Variants in SDK1 observed in about 807,000 individuals in gnomAD.
The protein encoded by SDK1 is sidekick cell adhesion molecule 1, also known as protein sidekick-1.
SDK1 carries 157 observed loss-of-function variants against 245.5 expected under a neutral mutation model. That is an observed-to-expected ratio of 0.64 (90% CI 0.56 to 0.73). SDK1 has a LOEUF of 0.73. Among genes scored for constraint, SDK1 ranks in the 30% least tolerant of loss-of-function variants. The pLI is 0.00. For missense variants in SDK1, 3,583 were observed against 3,002.3 expected, an observed-to-expected ratio of 1.19 and a Z score of -4.52; for synonymous variants, 1,647 against 1,278.5, an observed-to-expected ratio of 1.29 and a Z score of -6.15.
intron 4 of SDK1, among the ~76,000 whole-genome samples, chr7:3,677,715 A>G (rs1000244261): frequency 1.3e-5 from 2 of 152,248 alleles, no homozygotes; most frequent in Non-Finnish European, 2.9e-5. Context: ...ATGTGAATAT[A>G]TATTTTATAT....
At chr7:3,772,540 T>G (rs1034235855) in intron 4 of SDK1, among the ~76,000 whole-genome samples, 5 of 152,322 alleles carry the variant, frequency 3.3e-5, no homozygotes, top group Admixed American at 2.6e-4. Context: ...ATACTAGCTT[T>G]TAGACTAATA....
chr7:3,456,827 A>G (rs1432621723), intron 1 of SDK1, among the ~76,000 whole-genome samples: 1 of 152,106 alleles, frequency 6.6e-6, no homozygotes, highest in African/African-American at 2.4e-5. Flanking sequence ...GGTCCTACTT[A>G]AACCTGTTAT....
intron 1 of SDK1, among the ~76,000 whole-genome samples, chr7:3,537,482 T>A (rs1778921491): frequency 6.6e-6 from 1 of 152,170 alleles, no homozygotes; most frequent in Admixed American, 6.5e-5. Context: ...GGACTGTAAA[T>A]CACTTTGTCA....
At chr7:4,133,626 C>T (rs1344171654) in intron 28 of SDK1, among the ~76,000 whole-genome samples, 1 of 152,194 alleles carries the variant, frequency 6.6e-6, no homozygotes, top group Admixed American at 6.5e-5. Flanking sequence ...CGAATGCTTT[C>T]AGCCTTTGGG....
intron 1 of SDK1, among the ~76,000 whole-genome samples, chr7:3,426,195 C>T (rs1285449220): frequency 1.3e-5 from 2 of 152,228 alleles, no homozygotes; most frequent in East Asian, 3.9e-4. Context: ...AAGAGGAGGG[C>T]AGTGCTGGTC....
intron 21 of SDK1, among the ~76,000 whole-genome samples, chr7:4,079,001 C>T (rs369787016): frequency 7.9e-5 from 12 of 152,344 alleles, no homozygotes; most frequent in African/African-American, 2.6e-4. Context: ...TGTCACGCCG[C>T]CTGGGAGCAA....
chr7:3,346,079 G>A (rs1364194334), intron 1 of SDK1, among the ~76,000 whole-genome samples: 1 of 152,194 alleles, frequency 6.6e-6, no homozygotes, highest in East Asian at 1.9e-4. Flanking sequence ...TAGAGTCTCA[G>A]TTTTTCCACA....
At chr7:3,813,981 T>C (rs756976136) in intron 4 of SDK1, among the ~76,000 whole-genome samples, 1,587 of 126,880 alleles carry the variant, frequency 0.013, 13 homozygotes, top group Middle Eastern at 0.07. Context: ...CTTGTAAATT[T>C]GTTTGAGTTC....
intron 17 of SDK1, among the ~76,000 whole-genome samples, chr7:4,022,964 C>T (rs187907021): frequency 3.1e-4 from 47 of 151,838 alleles, no homozygotes; most frequent in African/African-American, 6.3e-4. Context: ...TTATTAGAGA[C>T]GGGGTTTCGC....
rs143563278 is a variant in SDK1, at chr7:3,518,779, G to A, written c.299-100301G>A. On this transcript the variant is annotated intron_variant, in intron 1 of 44. Coordinates refer to ENST00000404826, the MANE Select transcript of SDK1 (RefSeq NM_152744.4). ...GGAGAGCAGAGTGGAAGCTCCTCCA[G>A]CAATCCCACTACTGGGCATTTATCC... is the stretch of plus-strand genomic sequence containing the variant. Among the ~76,000 whole-genome samples, 168 of 152,148 alleles carry A rather than the reference G, an allele frequency of 1.1e-3. 6 individuals are homozygous for A. The East Asian group carries it at 0.03, about 27-fold the overall frequency.
intron 19 of SDK1, among the ~76,000 whole-genome samples, chr7:4,059,512 C>CG (rs2128170180): frequency 6.6e-6 from 1 of 152,324 alleles, no homozygotes; most frequent in South Asian, 2.1e-4. Flanking sequence ...TAACATCCCC[C>CG]TCTCAGCATT....
At chr7:3,631,298 A>G (rs1005068542) in intron 2 of SDK1, among the ~76,000 whole-genome samples, 3 of 152,128 alleles carry the variant, frequency 2.0e-5, no homozygotes, top group Non-Finnish European at 2.9e-5. Context: ...CCAAGAAGAA[A>G]GTCTATTATA....
chr7:4,127,179 A>T (rs1468133859), intron 25 of SDK1, among the ~76,000 whole-genome samples: 1 of 152,156 alleles, frequency 6.6e-6, no homozygotes, highest in Non-Finnish European at 1.5e-5. Context: ...GCTGCTAAGT[A>T]CCCAGGATTT....
intron 22 of SDK1, among the ~76,000 whole-genome samples, chr7:4,082,872 C>T (rs1238851360): frequency 3.9e-5 from 6 of 152,096 alleles, no homozygotes; most frequent in East Asian, 3.9e-4. Flanking sequence ...CTGTCAGCCT[C>T]GGCCTCCCAA....
At chr7:3,571,284 T>C (rs1417702504) in intron 1 of SDK1, among the ~76,000 whole-genome samples, 1 of 152,142 alleles carries the variant, frequency 6.6e-6, no homozygotes, top group African/African-American at 2.4e-5. Flanking sequence ...ATCTTTGTTA[T>C]TAAGAGAGCA....
chr7:4,172,321 A>G lies in SDK1; in HGVS notation c.4801-1901A>G, dbSNP rs115804590. Among the ~76,000 whole-genome samples, 588 of 152,290 alleles carry G rather than the reference A, an allele frequency of 3.9e-3. 4 individuals are homozygous for G. Among genetic ancestry groups the G allele is most frequent in the African/African-American group, 0.014 (562 of 41,574 alleles). On this transcript the variant is annotated intron_variant, in intron 32 of 44. Coordinates refer to ENST00000404826, the MANE Select transcript of SDK1 (RefSeq NM_152744.4). ...CGGGTACACACGGTGCCCCTCTGGC[A>G]TGTGCGTGTCGCATGCTGCATGCGT...
intron 4 of SDK1, among the ~76,000 whole-genome samples, chr7:3,765,612 C>T (rs973795596): frequency 6.6e-6 from 1 of 152,190 alleles, no homozygotes; most frequent in African/African-American, 2.4e-5. Flanking sequence ...TCTACTATTT[C>T]TACATCCAGA....
At chr7:3,497,029 A>G (rs927695160) in intron 1 of SDK1, among the ~76,000 whole-genome samples, 1 of 152,200 alleles carries the variant, frequency 6.6e-6, no homozygotes, top group Non-Finnish European at 1.5e-5. Flanking sequence ...TATGTCATTT[A>G]TCCAGTGAAA....
At chr7:3,469,468 C>T (rs1157568411) in intron 1 of SDK1, among the ~76,000 whole-genome samples, 2 of 152,078 alleles carry the variant, frequency 1.3e-5, no homozygotes, top group Admixed American at 6.6e-5. Context: ...GAATTAAGAC[C>T]TGCAGTAAAT....
Sources: gnomAD v4.1 joint callset for allele counts (sites outside exome capture counted in the v4.1 genomes callset) on GRCh38, gnomAD v4.1.1 for gene constraint, MANE v1.5 for transcripts, NCBI Gene and HGNC (gene_info 2026-07-23, HGNC 2026-07-21) for gene names.